The following GLYATL1B variants were observed in gnomAD, a reference collection of about 807,000 sequenced individuals.
The protein encoded by GLYATL1B is putative glycine N-acyltransferase-like protein 1B.
In GLYATL1B, 6 loss-of-function variants were observed where a neutral mutation model predicts 5.5. The ratio of observed to expected loss-of-function variants is 1.09; its 90% CI spans 0.60 to 2.15. The LOEUF (loss-of-function observed/expected upper bound fraction) is 2.15. Among genes scored for constraint, GLYATL1B ranks in the 30% most tolerant of loss-of-function variants. GLYATL1B has a pLI of 0.00. For missense variants in GLYATL1B, 135 were observed against 94.1 expected (o/e 1.43, Z -1.80); for synonymous variants, 67 against 34.9 (o/e 1.92, Z -3.24).
chr11:59,091,669 T>A (rs763076388), intron 2 of GLYATL1B, among the ~76,000 whole-genome samples: 1 of 152,308 alleles, frequency 6.6e-6, no homozygotes, highest in Middle Eastern at 3.4e-3. Context: ...CTTAGAGAAC[T>A]TAAAAGAGAG....
At chr11:59,088,917 T>C (rs187455209) in intron 2 of GLYATL1B, among the ~76,000 whole-genome samples, 1 of 152,326 alleles carries the variant, frequency 6.6e-6, no homozygotes, top group East Asian at 1.9e-4. Context: ...GGAGAATTTC[T>C]CTAGAAAAAT....
chr11:59,086,370 C>T lies in GLYATL1B; in HGVS notation c.64C>T (p.Pro22Ser), dbSNP rs1002121253. ...ALFKSLARSI[P>S]ESLKVYGSLF... ...ATTCAAATCTTTAGCAAGGAGCATT[C>T]CTGAGTCCCTGAAGGTGAAGGAACA... Residue 22 changes from proline to serine, a missense_variant, in exon 1 of 5, where the codon CCT becomes TCT. Pro to Ser is a moderately conservative substitution (Grantham distance 74). Coordinates refer to ENST00000527482, the MANE Select transcript of GLYATL1B (RefSeq NM_001355566.1). 7.5e-6 allele frequency: 3 copies of T among 398,890 alleles called. No individual in the cohort carries two copies. Among genetic ancestry groups the T allele is most frequent in the Non-Finnish European group, 4.4e-6 (1 of 225,820 alleles). 24.7% of individuals were successfully genotyped at this position (398,890 alleles called of 1,614,324 possible).
intron 2 of GLYATL1B, among the ~76,000 whole-genome samples, chr11:59,090,496 A>C (rs1297670096): frequency 1.3e-5 from 2 of 151,832 alleles, no homozygotes; most frequent in Non-Finnish European, 2.9e-5. Context: ...AAACTACGTG[A>C]TTTTTCCATT....
chr11:59,090,095 G>A (rs1343841648), intron 2 of GLYATL1B, among the ~76,000 whole-genome samples: 1 of 152,000 alleles, frequency 6.6e-6, no homozygotes. Flanking sequence ...TTCTGCTACT[G>A]AAACATAAAT....
intron 2 of GLYATL1B, among the ~76,000 whole-genome samples, chr11:59,089,129 C>T (rs1253448197): frequency 1.3e-5 from 2 of 152,130 alleles, no homozygotes; most frequent in Non-Finnish European, 2.9e-5. Context: ...CTTCTGTAAT[C>T]GCTTTTTAAT....
rs59326247 is a variant in GLYATL1B, at chr11:59,093,509, C to A, written c.187-20C>A. The A allele has an allele frequency of 7.1e-5, 34 of 477,080 alleles. No individual in the cohort carries two copies. The highest frequency in any genetic ancestry group is 3.2e-4 in the Admixed American group (10 of 31,700). 29.6% of individuals were successfully genotyped at this position (477,080 alleles called of 1,614,324 possible). ...GAAAAAGTTCAAGGGAATGATCTGACCTTTCACCATCCTACACAGGAGATG... is the reference window on the plus strand; with the variant it reads ...GAAAAAGTTCAAGGGAATGATCTGAACTTTCACCATCCTACACAGGAGATG... On this transcript the variant is annotated intron_variant, in intron 2 of 4. Transcript: ENST00000527482.
intron 2 of GLYATL1B, 50 bp from the exon 3 acceptor site, chr11:59,093,479 G>C (rs2135383704): frequency 2.1e-6 from 1 of 472,770 alleles, no homozygotes; most frequent in East Asian, 3.1e-5. Flanking sequence ...TCAGTGAGAG[G>C]AGAAGAAAAA....
Position 59,086,327 on chromosome 11 carries a change from C to A in GLYATL1B, c.21C>A (p.Ser7=). 2.5e-6 allele frequency: 1 copy of A among 397,014 alleles called. No individual in the cohort carries two copies. Among genetic ancestry groups the A allele is most frequent in the African/African-American group, 2.1e-5 (1 of 47,460 alleles). The allele number at this position is 397,014 out of a possible 1,614,324, so 24.6% of individuals were successfully genotyped here. The change falls in exon 1 of 5, where the codon TCC becomes TCA. Residue 7 remains serine, a synonymous_variant. Coordinates refer to ENST00000527482, the MANE Select transcript of GLYATL1B (RefSeq NM_001355566.1). MILLNN[S]ERLLALFKSL... is the part of the protein sequence containing the mutation. ...ACAAAATGATTCTATTGAATAATTCCGAGCGGCTGCTGGCCCTATTCAAAT... is the reference window on the plus strand; with the variant it reads ...ACAAAATGATTCTATTGAATAATTCAGAGCGGCTGCTGGCCCTATTCAAAT...
chr11:59,092,525 T>A (rs1859336825), intron 2 of GLYATL1B, among the ~76,000 whole-genome samples: 1 of 152,226 alleles, frequency 6.6e-6, no homozygotes, highest in Admixed American at 6.5e-5. Flanking sequence ...ATCCTCAAAT[T>A]CTTGAAGGTT....
At chr11:59,092,294 G>A (rs902345405) in intron 2 of GLYATL1B, among the ~76,000 whole-genome samples, 3 of 151,466 alleles carry the variant, frequency 2.0e-5, no homozygotes, top group African/African-American at 7.3e-5. Context: ...CATTTGCACT[G>A]TGTCTTGTTC....
chr11:59,093,124 A>G (rs1379834462), intron 2 of GLYATL1B, among the ~76,000 whole-genome samples: 1 of 152,188 alleles, frequency 6.6e-6, no homozygotes, highest in African/African-American at 2.4e-5. Flanking sequence ...AGGTGAGAGA[A>G]GCAGGGAGAG....
At chr11:59,092,193 T>C (rs376668245) in intron 2 of GLYATL1B, among the ~76,000 whole-genome samples, 2 of 152,052 alleles carry the variant, frequency 1.3e-5, no homozygotes, top group South Asian at 4.1e-4. Context: ...TTCTCTTCTA[T>C]TTCCTTTAAA....
chr11:59,093,426 G>GTA (rs2135383676), intron 2 of GLYATL1B, 103 bp from the exon 3 acceptor site: 1 of 418,874 alleles, frequency 2.4e-6, no homozygotes, highest in African/African-American at 2.0e-5. Context: ...GTGGGCTAGT[G>GTA]CTAAAACTTT....
chr11:59,087,856 T>C (rs940487642), intron 2 of GLYATL1B, among the ~76,000 whole-genome samples: 8 of 152,054 alleles, frequency 5.3e-5, no homozygotes, highest in Non-Finnish European at 1.0e-4. Flanking sequence ...ATGAAAACAA[T>C]AAAAGTTGCT....
intron 2 of GLYATL1B, among the ~76,000 whole-genome samples, chr11:59,090,721 C>G (rs12226515): frequency 0.042 from 6,451 of 151,934 alleles, 346 homozygotes; most frequent in East Asian, 0.26. Flanking sequence ...ATGTGTAATA[C>G]TGTAATCTAT....
rs1183121961 is a variant in GLYATL1B, at chr11:59,086,399, G to A, written c.78+15G>A. The A allele has an allele frequency of 2.5e-6, 1 of 398,692 alleles. No individual in the cohort carries two copies. The highest frequency in any genetic ancestry group is 4.4e-6 in the Non-Finnish European group (1 of 225,730). The allele number at this position is 398,692 out of a possible 1,614,324, so 24.7% of individuals were successfully genotyped here. ...AGTCCCTGAAGGTGAAGGAACAGTG[G>A]GAGGTTGGGGTATGGGAGTAGGGGT... On this transcript the variant is annotated intron_variant, in intron 1 of 4. Coordinates refer to ENST00000527482, the MANE Select transcript of GLYATL1B (RefSeq NM_001355566.1).
intron 2 of GLYATL1B, among the ~76,000 whole-genome samples, chr11:59,088,349 C>T (rs1859234799): frequency 6.6e-6 from 1 of 152,090 alleles, no homozygotes; most frequent in African/African-American, 2.4e-5. Context: ...AAAGACTTCC[C>T]CTTTTTGTGT....
chr11:59,088,441 A>C (rs765339487), intron 2 of GLYATL1B, among the ~76,000 whole-genome samples: 1 of 152,184 alleles, frequency 6.6e-6, no homozygotes, highest in South Asian at 2.1e-4. Flanking sequence ...GAGCCCCCAC[A>C]TAATAATAAG....
chr11:59,089,071 G>A (rs2849739), intron 2 of GLYATL1B, among the ~76,000 whole-genome samples: 32,386 of 151,948 alleles, frequency 0.21, 3,667 homozygotes, highest in African/African-American at 0.29. Flanking sequence ...TGGGGTAATC[G>A]GTGTCCTTGG....
Sources: gnomAD v4.1 joint callset for allele counts (sites outside exome capture counted in the v4.1 genomes callset) on GRCh38, gnomAD v4.1.1 for gene constraint, MANE v1.5 for transcripts, NCBI Gene and HGNC (gene_info 2026-07-23, HGNC 2026-07-21) for gene names.